LAMA2: variants seen among roughly 807,000 people sequenced by gnomAD.
LAMA2 encodes the protein laminin subunit alpha 2, also known as laminin subunit alpha-2.
A neutral mutation model predicts 364.8 loss-of-function variants in LAMA2; 269 were observed. The observed-to-expected ratio is 0.74, with a 90% CI of 0.67 to 0.82. The LOEUF (loss-of-function observed/expected upper bound fraction) is 0.82, where lower values mean the gene tolerates loss of function less well. Ranked by LOEUF, LAMA2 falls within the 40% of genes least tolerant of loss-of-function variation. The pLI, the probability that LAMA2 is intolerant of heterozygous loss-of-function variation, is 0.00. For synonymous variants in LAMA2, 1,379 were observed against 1,370.6 expected (o/e 1.01, Z -0.14); for missense variants, 3,807 against 3,873.2 (o/e 0.98, Z 0.45).
At chr6:129,286,280 GCCTGA>G (rs1324524436) in intron 18 of LAMA2, among the ~76,000 whole-genome samples, 1 of 151,768 alleles carries the variant, frequency 6.6e-6, no homozygotes, top group Middle Eastern at 3.2e-3. Flanking sequence ...AACAGAGCTA[GCCTGA>G]CCATAAGATT....
intron 17 of LAMA2, among the ~76,000 whole-genome samples, chr6:129,273,846 T>G (rs923238032): frequency 2.0e-5 from 3 of 152,026 alleles, no homozygotes; most frequent in African/African-American, 7.2e-5. Flanking sequence ...TATTTAATGA[T>G]TCTTTCATTT....
chr6:129,060,030 A>C, intron 3 of LAMA2, 134 bp downstream of exon 3: 1 of 689,204 alleles, frequency 1.5e-6, no homozygotes, highest in Non-Finnish European at 2.7e-6. Context: ...TAAGATGAAC[A>C]AAGGGTCCTA....
intron 29 of LAMA2, among the ~76,000 whole-genome samples, chr6:129,335,458 AT>A (rs199766726): frequency 2.6e-4 from 38 of 148,496 alleles, no homozygotes; most frequent in East Asian, 2.4e-3. Flanking sequence ...TATTTCTCCT[AT>A]TTTTTTTTTC....
chr6:128,914,173 T>C (rs1285207318), intron 1 of LAMA2, among the ~76,000 whole-genome samples: 4 of 152,176 alleles, frequency 2.6e-5, no homozygotes, highest in African/African-American at 9.7e-5. Context: ...TAGCTTTCTA[T>C]GGCTGAAGGT....
intron 40 of LAMA2, among the ~76,000 whole-genome samples, chr6:129,418,847 A>T (rs1780929184): frequency 6.6e-6 from 1 of 152,152 alleles, no homozygotes; most frequent in Admixed American, 6.5e-5. Context: ...AAAGTTTATA[A>T]CTTAATTTTC....
At position 129,250,190 on chromosome 6, in the gene LAMA2, C is replaced by G; in HGVS notation, c.1861C>G (p.Leu621Val). The change falls in exon 13 of 65, where the codon CTC (leucine) becomes GTC (valine). Residue 621 changes from leucine to valine, a missense_variant. Physicochemically the swap from Leu to Val is conservative, Grantham distance 32. This residue lies in a region of LAMA2 where 3,333 missense variants were observed against 3,345.7 expected (regional missense o/e 1.00). Coordinates refer to ENST00000421865, the MANE Select transcript of LAMA2 (RefSeq NM_000426.4). ...EEEEEDTERV[L>V]QLMIILEGND... Reference sequence around the variant, plus strand: ...AGAGGAAGAAGATACAGAACGTGTTCTCCAGCTTATGATTATCTTAGAGGT... The same window carrying G: ...AGAGGAAGAAGATACAGAACGTGTTGTCCAGCTTATGATTATCTTAGAGGT... 1.3e-6 allele frequency: 2 copies of G among 1,593,030 alleles called. No individual in the cohort carries two copies. Among genetic ancestry groups the G allele is most frequent in the Non-Finnish European group, 1.7e-6 (2 of 1,161,638 alleles).
Position 129,300,727 on chromosome 6 carries a change from C to A in LAMA2, c.3038-9C>A. On this transcript the variant is annotated splice_polypyrimidine_tract_variant and intron_variant, in intron 21 of 64. Coordinates refer to ENST00000421865, the MANE Select transcript of LAMA2 (RefSeq NM_000426.4). ...CCCCTTCTTTGTTTTCCCTCTTATA[C>A]CGGTGAAGCTTGTGAATGTTCTCAT... The A allele has an allele frequency of 6.2e-7, 1 of 1,613,404 alleles. No homozygotes were observed. The highest frequency in any genetic ancestry group is 8.5e-7 in the Non-Finnish European group (1 of 1,179,436).
At chr6:129,362,111 A>C (rs1777499221) in intron 32 of LAMA2, among the ~76,000 whole-genome samples, 1 of 152,042 alleles carries the variant, frequency 6.6e-6, no homozygotes, top group Non-Finnish European at 1.5e-5. Flanking sequence ...AATTGTCCCC[A>C]GAAATGATCA....
rs1789395190 is a variant in LAMA2 at position 129,287,967 on chromosome 6, T to A, written c.2658T>A (p.Cys886Ter). 1 of 1,614,116 alleles carries A rather than the reference T, an allele frequency of 6.2e-7. No homozygotes were observed. The change falls in exon 19 of 65, where the codon TGT becomes TGA. Residue 886 changes from cysteine (C) to a stop codon, truncating the protein, a stop_gained. Transcript: ENST00000421865. LOFTEE classifies it high-confidence loss of function. Reference protein sequence around the residue: ...PGSCDSLSGSCLICKPGTTGR... With the variant: ...PGSCDSLSGS ...GCTGTGACAGCTTGTCTGGCTCCTG[T>A]CTGATATGTAAACCAGGTACAACAG...
chr6:129,052,769 A>T (rs543805770), intron 2 of LAMA2, among the ~76,000 whole-genome samples: 21 of 151,230 alleles, frequency 1.4e-4, no homozygotes, highest in South Asian at 4.2e-4. Context: ...TTTTTTTTTT[A>T]AATTATAAAA....
chr6:129,047,563 A>G (rs899425189), intron 1 of LAMA2, among the ~76,000 whole-genome samples: 6 of 152,184 alleles, frequency 3.9e-5, no homozygotes, highest in Non-Finnish European at 8.8e-5. Context: ...TTAAAGACAT[A>G]TGTATAAGGA....
intron 9 of LAMA2, among the ~76,000 whole-genome samples, chr6:129,175,675 A>C (rs1200590105): frequency 6.6e-6 from 1 of 152,130 alleles, no homozygotes; most frequent in South Asian, 2.1e-4. Context: ...GGAACATCAC[A>C]TGCCAGGGCC....
At chr6:129,127,319 A>AT (rs1777177091) in intron 4 of LAMA2, among the ~76,000 whole-genome samples, 2 of 152,212 alleles carry the variant, frequency 1.3e-5, no homozygotes, top group African/African-American at 2.4e-5. Context: ...TACATTTCAC[A>AT]TGCAAGGGAG....
At chr6:129,080,794 G>A (rs368240500) in intron 3 of LAMA2, among the ~76,000 whole-genome samples, 60 of 152,292 alleles carry the variant, frequency 3.9e-4, no homozygotes, top group African/African-American at 1.2e-3. Context: ...CACCGTTGGC[G>A]GGACTGTAAA....
intron 11 of LAMA2, among the ~76,000 whole-genome samples, chr6:129,192,233 T>A (rs1300424843): frequency 6.6e-6 from 1 of 152,232 alleles, no homozygotes; most frequent in Non-Finnish European, 1.5e-5. Flanking sequence ...GCATTACAAA[T>A]ACATACGCAA....
rs34367843 is a variant in LAMA2 at position 129,473,344 on chromosome 6, A to T, written c.7431A>T (p.Arg2477Ser). 2,640 of 1,612,334 alleles carry T rather than the reference A, an allele frequency of 1.6e-3. 30 individuals are homozygous for T. In the African/African-American group the frequency reaches 0.03, roughly 18 times the overall value. Reference sequence around the variant, plus strand: ...ATTTTGGTGGCCTGCCAACGCTGAGAAACTTGAGGTAATTTAGTTTATATG... The same window carrying T: ...ATTTTGGTGGCCTGCCAACGCTGAGTAACTTGAGGTAATTTAGTTTATATG... ...KIYFGGLPTL[R>S]NLSMKARPEV... The change falls in exon 52 of 65, where the codon AGA becomes AGT. Residue 2477 changes from arginine (R) to serine (S), a missense_variant. Coordinates refer to ENST00000421865, the MANE Select transcript of LAMA2 (RefSeq NM_000426.4).
intron 58 of LAMA2, among the ~76,000 whole-genome samples, chr6:129,496,271 A>G (rs974077034): frequency 2.6e-5 from 4 of 152,178 alleles, no homozygotes; most frequent in African/African-American, 7.2e-5. Context: ...GGTTCAAGCA[A>G]TTCTCCTGCT....
intron 1 of LAMA2, among the ~76,000 whole-genome samples, chr6:128,890,711 ATTCT>A (rs909984837): frequency 2.0e-5 from 3 of 152,062 alleles, no homozygotes; most frequent in African/African-American, 7.2e-5. Context: ...ATATTAATTG[ATTCT>A]TTATTGGCTT....
intron 12 of LAMA2, among the ~76,000 whole-genome samples, chr6:129,209,375 A>G (rs1156587546): frequency 6.6e-6 from 1 of 152,200 alleles, no homozygotes; most frequent in African/African-American, 2.4e-5. Context: ...AGGGTGATGG[A>G]TAGAATAAGG....
Sources: allele counts gnomAD v4.1 joint callset (sites outside exome capture counted in the v4.1 genomes callset), GRCh38; gene constraint gnomAD v4.1.1; regional missense constraint gnomAD v4.1.1; transcripts MANE v1.5; gene names NCBI Gene and HGNC (gene_info 2026-07-23, HGNC 2026-07-21).